Variants in ADGRV1 observed in about 807,000 individuals in gnomAD.
The protein encoded by ADGRV1 is G-protein coupled receptor 98.
In ADGRV1, 359 loss-of-function variants were observed where a neutral mutation model predicts 596.2. The ratio of observed to expected loss-of-function variants is 0.60; its 90% CI spans 0.55 to 0.66. The LOEUF (loss-of-function observed/expected upper bound fraction) is 0.66. Among genes scored for constraint, ADGRV1 ranks in the 30% least tolerant of loss-of-function variants. The probability of loss-of-function intolerance (pLI) is 0.00; values close to 1 mark genes in which losing one functional copy is unlikely to be tolerated. For synonymous variants in ADGRV1, 2,681 were observed against 2,679.2 expected (o/e 1.00, Z -0.02); for missense variants, 7,274 against 7,575.6 (o/e 0.96, Z 1.48).
chr5:90,629,627 C>T (rs1251266483), intron 9 of ADGRV1, 88 bp downstream of exon 9: 3 of 1,011,382 alleles, frequency 3.0e-6, no homozygotes, highest in East Asian at 4.8e-5. Context: ...ATTATTTTGA[C>T]CTTGTTATTT....
chr5:90,666,821 C>G (rs1264008611), intron 21 of ADGRV1, among the ~76,000 whole-genome samples: 2 of 151,648 alleles, frequency 1.3e-5, no homozygotes, highest in African/African-American at 4.8e-5. Context: ...GACAAAATCT[C>G]TCAGCATTTG....
chr5:90,996,375 G>A lies in ADGRV1; in HGVS notation c.18152+10853G>A, dbSNP rs576787645. On this transcript the variant is annotated intron_variant, in intron 85 of 89. Coordinates refer to ENST00000405460, the MANE Select transcript of ADGRV1 (RefSeq NM_032119.4). ...AGATATGTCTCAGGCCACCGCTCCA[G>A]GGGGTGCAAGCCATAAGAATCCTTG... 6.6e-4 allele frequency among the ~76,000 whole-genome samples: 101 copies of A among 152,310 alleles called. 2 individuals carry two copies. The South Asian group carries it at 0.02, about 31-fold the overall frequency.
At chr5:91,033,085 TCTTA>T (rs1562117976) in intron 85 of ADGRV1, among the ~76,000 whole-genome samples, 1 of 152,206 alleles carries the variant, frequency 6.6e-6, no homozygotes, top group East Asian at 1.9e-4. Context: ...ATTTCTACTA[TCTTA>T]CTTTGTGTTT....
chr5:90,766,099 CA>C (rs1757104559), intron 59 of ADGRV1, among the ~76,000 whole-genome samples: 1 of 151,988 alleles, frequency 6.6e-6, no homozygotes, highest in Non-Finnish European at 1.5e-5. Context: ...TTTAGTGAGA[CA>C]GGGTTTCACT....
intron 85 of ADGRV1, among the ~76,000 whole-genome samples, chr5:91,023,265 C>G (rs1418079504): frequency 6.6e-6 from 1 of 151,818 alleles, no homozygotes; most frequent in Non-Finnish European, 1.5e-5. Flanking sequence ...GAGTTTTATA[C>G]AAGTGCTATG....
chr5:90,814,227 G>T (rs908127912), intron 74 of ADGRV1, among the ~76,000 whole-genome samples: 16 of 152,204 alleles, frequency 1.1e-4, no homozygotes, highest in African/African-American at 3.4e-4. Context: ...GACAAATGTA[G>T]CCCATCACTT....
chr5:90,883,525 T>C (rs1769992831), intron 83 of ADGRV1, among the ~76,000 whole-genome samples: 1 of 152,176 alleles, frequency 6.6e-6, no homozygotes, highest in Admixed American at 6.6e-5. Flanking sequence ...GTGATACATA[T>C]TTCCCTTTCA....
At chr5:90,619,648 C>T (rs139004767) in intron 4 of ADGRV1, among the ~76,000 whole-genome samples, 3,255 of 151,722 alleles carry the variant, frequency 0.021, 102 homozygotes, top group African/African-American at 0.073. Context: ...ATGTGCACAA[C>T]GTGCAGGTTT....
At chr5:90,795,195 G>T (rs1222340472) in intron 70 of ADGRV1, among the ~76,000 whole-genome samples, 1 of 151,440 alleles carries the variant, frequency 6.6e-6, no homozygotes, top group Non-Finnish European at 1.5e-5. Flanking sequence ...AAGCCAAGTG[G>T]TCTTGCTCAG....
At chr5:90,629,153 T>G in intron 8 of ADGRV1, 57 bp from the exon 9 acceptor site, 1 of 922,440 alleles carries the variant, frequency 1.1e-6, no homozygotes, top group Non-Finnish European at 1.5e-6. Context: ...AAATACAGAG[T>G]TTGATCATCT....
chr5:90,745,704 C>T lies in ADGRV1; in HGVS notation c.10883C>T (p.Pro3628Leu). The T allele has an allele frequency of 6.2e-7, 1 of 1,611,770 alleles. No homozygotes were observed. Among genetic ancestry groups the T allele is most frequent in the Non-Finnish European group, 8.5e-7 (1 of 1,178,410 alleles). Residue 3628 changes from proline (P) to leucine (L), a missense_variant, in exon 52 of 90, where the codon CCC becomes CTC. Coordinates refer to ENST00000405460, the MANE Select transcript of ADGRV1 (RefSeq NM_032119.4). The part of the protein sequence containing the change: ...EESFKVQLKN[P>L]KGGAEIGIND... ...TCCTTCAAAGTTCAACTTAAAAATC[C>T]CAAAGGAGGAGCAGAGATTGGCATT...
At position 90,558,885 on chromosome 5, in the gene ADGRV1, G is replaced by A. The variant is rs727504484; in HGVS notation, c.-11G>A. 1 of 1,559,542 alleles carries A rather than the reference G, an allele frequency of 6.4e-7. No homozygotes were observed. ...TGTGGAGGGCCGGCGGGGACCGCCG[G>A]GAGCGCGCGGATGTCGGTGTTCCTG... On this transcript the variant is annotated 5_prime_UTR_variant, in exon 1 of 90. Coordinates refer to ENST00000405460, the MANE Select transcript of ADGRV1 (RefSeq NM_032119.4).
chr5:90,862,951 C>A (rs970744683), intron 82 of ADGRV1, among the ~76,000 whole-genome samples: 1 of 152,106 alleles, frequency 6.6e-6, no homozygotes, highest in Non-Finnish European at 1.5e-5. Context: ...TGTTTATTAA[C>A]GAGGCATTGA....
intron 70 of ADGRV1, chr5:90,791,637 C>A (rs1387370057): frequency 5.8e-6 from 2 of 341,944 alleles, no homozygotes; most frequent in Non-Finnish European, 1.1e-5. Context: ...ACCTGCACAC[C>A]CATGGACATG....
At chr5:90,910,078 A>G (rs960455529) in intron 83 of ADGRV1, among the ~76,000 whole-genome samples, 6 of 152,176 alleles carry the variant, frequency 3.9e-5, no homozygotes, top group Non-Finnish European at 2.9e-5. Flanking sequence ...TGTTTGAGGT[A>G]TTGCTGTTTA....
chr5:91,083,548 T>C (rs1789606245), intron 86 of ADGRV1, among the ~76,000 whole-genome samples: 1 of 152,178 alleles, frequency 6.6e-6, no homozygotes, highest in Non-Finnish European at 1.5e-5. Context: ...GAGAAAAGTA[T>C]ACCATATTAA....
intron 75 of ADGRV1, among the ~76,000 whole-genome samples, chr5:90,819,116 A>G (rs1294174154): frequency 2.6e-5 from 4 of 152,084 alleles, no homozygotes; most frequent in African/African-American, 9.7e-5. Context: ...CTATTCAGAG[A>G]TTCAACTTCT....
chr5:90,743,256 C>G (rs1464896367), intron 50 of ADGRV1, among the ~76,000 whole-genome samples: 2 of 152,040 alleles, frequency 1.3e-5, no homozygotes, highest in African/African-American at 4.8e-5. Flanking sequence ...TATTGATAGC[C>G]TTTTTATTGA....
Position 90,763,396 on chromosome 5 carries a change from G to A in ADGRV1, c.12212G>A (p.Arg4071Gln), listed in dbSNP as rs202190568. ...TCCCCAGGAGGAAAAGGAACCGTCC[G>A]ACTTGAGTGGACCATAGATGAGAAG... ...VRSPGGKGTV[R>Q]LEWTIDEKAK... Residue 4071 changes from arginine to glutamine, a missense_variant, in exon 59 of 90, where the codon CGA becomes CAA. Arg to Gln is a conservative substitution (Grantham distance 43). This residue lies in a region of ADGRV1 where 3,643 missense variants were observed against 3,809.2 expected (regional missense o/e 0.96). Coordinates refer to ENST00000405460, the MANE Select transcript of ADGRV1 (RefSeq NM_032119.4). 8.4e-4 allele frequency: 1,354 copies of A among 1,613,418 alleles called. 1 individual carries two copies. Among genetic ancestry groups the A allele is most frequent in the Non-Finnish European group, 1.0e-3 (1,225 of 1,179,590 alleles).
Sources: allele counts gnomAD v4.1 joint callset (sites outside exome capture counted in the v4.1 genomes callset), GRCh38; gene constraint gnomAD v4.1.1; regional missense constraint gnomAD v4.1.1; transcripts MANE v1.5; gene names NCBI Gene and HGNC (gene_info 2026-07-23, HGNC 2026-07-21).